DACH1: variants seen among roughly 807,000 people sequenced by gnomAD.
DACH1 encodes dachshund homolog 1.
DACH1 carries 12 observed loss-of-function variants against 54.2 expected under a neutral mutation model. The ratio of observed to expected loss-of-function variants is 0.22; its 90% CI spans 0.14 to 0.36. The LOEUF is 0.36. Among genes scored for constraint, DACH1 ranks in the 10% least tolerant of loss-of-function variants. DACH1 has a pLI of 1.00. For missense variants in DACH1, 805 were observed against 929.8 expected (o/e 0.87, Z 1.75); for synonymous variants, 386 against 366.2 (o/e 1.05, Z -0.62).
chr13:71,820,338 A>C (rs977779951), intron 1 of DACH1, among the ~76,000 whole-genome samples: 2 of 152,118 alleles, frequency 1.3e-5, no homozygotes, highest in Admixed American at 6.5e-5. Flanking sequence ...GGTCTTCTGC[A>C]TCCAAAGACA....
At chr13:71,740,543 A>G (rs1187437512) in intron 1 of DACH1, among the ~76,000 whole-genome samples, 1 of 152,172 alleles carries the variant, frequency 6.6e-6, no homozygotes, top group East Asian at 1.9e-4. Flanking sequence ...TGATTTATTT[A>G]TATTTCAAGT....
chr13:71,649,185 G>A (rs1206572545), intron 2 of DACH1, among the ~76,000 whole-genome samples: 1 of 152,012 alleles, frequency 6.6e-6, no homozygotes, highest in Non-Finnish European at 1.5e-5. Flanking sequence ...TGCTGTATAG[G>A]TTTGTAACCT....
chr13:71,651,605 G>A (rs1193490834), intron 2 of DACH1, among the ~76,000 whole-genome samples: 1 of 151,996 alleles, frequency 6.6e-6, no homozygotes, highest in Non-Finnish European at 1.5e-5. Flanking sequence ...AGGCTGCAGT[G>A]AGCTGTGATA....
At chr13:71,557,852 A>AG (rs1195571887) in intron 5 of DACH1, among the ~76,000 whole-genome samples, 4 of 151,730 alleles carry the variant, frequency 2.6e-5, no homozygotes, top group African/African-American at 9.7e-5. Flanking sequence ...TAAAAAAAAA[A>AG]AAAAAAAAAG....
At chr13:71,728,299 T>C (rs1457977773) in intron 1 of DACH1, among the ~76,000 whole-genome samples, 1 of 152,024 alleles carries the variant, frequency 6.6e-6, no homozygotes, top group African/African-American at 2.4e-5. Context: ...ATCATATCTC[T>C]TTGGAAACAC....
intron 3 of DACH1, among the ~76,000 whole-genome samples, chr13:71,597,984 G>A (rs1007196403): frequency 6.6e-5 from 10 of 151,598 alleles, no homozygotes; most frequent in African/African-American, 2.4e-4. Flanking sequence ...GGAGGCTGAG[G>A]TGGGAGGATT....
intron 6 of DACH1, among the ~76,000 whole-genome samples, chr13:71,498,641 T>C (rs1354866746): frequency 4.2e-5 from 5 of 118,848 alleles, no homozygotes; most frequent in Non-Finnish European, 7.0e-5. Context: ...ATGATGTGAG[T>C]TGAAAGGGGA....
chr13:71,866,981 T>G lies in DACH1; in HGVS notation c.-212A>C. 9.9e-6 allele frequency: 3 copies of G among 303,550 alleles called. No homozygotes were observed. 18.8% of individuals were successfully genotyped at this position (303,550 alleles called of 1,614,324 possible). On this transcript the variant is annotated 5_prime_UTR_variant, in exon 1 of 11. Coordinates refer to ENST00000613252, the MANE Select transcript of DACH1 (RefSeq NM_080759.6). ...CAAGAGGGGCGAGCACGAGAGGCGC[T>G]CTGGAGAGGAACGCACAAAAGTGTC...
intron 4 of DACH1, among the ~76,000 whole-genome samples, chr13:71,567,070 G>A (rs1884934440): frequency 6.6e-6 from 1 of 151,984 alleles, no homozygotes; most frequent in Non-Finnish European, 1.5e-5. Context: ...TAAAGTATGA[G>A]TACAATTATA....
At chr13:71,706,778 T>A (rs1359219615) in intron 1 of DACH1, among the ~76,000 whole-genome samples, 1 of 152,170 alleles carries the variant, frequency 6.6e-6, no homozygotes, top group African/African-American at 2.4e-5. Flanking sequence ...GCATTAATTC[T>A]CATATTAAAG....
intron 6 of DACH1, among the ~76,000 whole-genome samples, chr13:71,507,737 T>C (rs186273925): frequency 6.6e-6 from 1 of 152,268 alleles, no homozygotes; most frequent in Admixed American, 6.5e-5. Flanking sequence ...GACACAATTC[T>C]TACAGCATGG....
intron 1 of DACH1, among the ~76,000 whole-genome samples, chr13:71,738,026 T>G (rs1884215263): frequency 6.6e-6 from 1 of 152,302 alleles, no homozygotes; most frequent in East Asian, 1.9e-4. Flanking sequence ...GGACAAATAC[T>G]AGTAGTTCCG....
chr13:71,730,932 G>T (rs1883712688), intron 1 of DACH1, among the ~76,000 whole-genome samples: 1 of 151,446 alleles, frequency 6.6e-6, no homozygotes, highest in South Asian at 2.1e-4. Context: ...AGACTCTTAA[G>T]GCATTCAAAG....
chr13:71,592,663 C>G (rs964682625), intron 3 of DACH1, among the ~76,000 whole-genome samples: 1 of 151,808 alleles, frequency 6.6e-6, no homozygotes, highest in Non-Finnish European at 1.5e-5. Context: ...CGAAAAATAG[C>G]TAATACAGTA....
chr13:71,458,335 C>T (rs553763834), intron 10 of DACH1, among the ~76,000 whole-genome samples: 1 of 151,802 alleles, frequency 6.6e-6, no homozygotes, highest in Non-Finnish European at 1.5e-5. Flanking sequence ...TATGGCTTCT[C>T]AAAAGATCTA....
chr13:71,474,362 T>C (rs965601797), intron 10 of DACH1, among the ~76,000 whole-genome samples: 5 of 152,164 alleles, frequency 3.3e-5, no homozygotes, highest in East Asian at 1.9e-4. Flanking sequence ...GGGAGGATTA[T>C]GGCAGTTAAT....
At chr13:71,695,732 C>G (rs1347905499) in intron 1 of DACH1, among the ~76,000 whole-genome samples, 1 of 152,136 alleles carries the variant, frequency 6.6e-6, no homozygotes, top group South Asian at 2.1e-4. Flanking sequence ...TATTGCAAGT[C>G]CTTTGAGATA....
rs1244161611 is a variant in DACH1, at chr13:71,681,879, G to T, written c.880C>A (p.Gln294Lys). The change falls in exon 2 of 11, where the codon CAA becomes AAA. Residue 294 changes from glutamine to lysine, a missense_variant. Physicochemically the swap from Gln to Lys is moderately conservative, Grantham distance 53. Around this residue, in one of 3 missense-constraint regions of DACH1, gnomAD observed 472 missense variants for 545.3 expected, o/e 0.87. Transcript: ENST00000613252. ...SRPGRPPKRT[Q>K]SVTSPENSHI... is the part of the protein sequence containing the mutation. Reference sequence around the variant, plus strand: ...GAGTTCTCTGGGGAGGTGACACTTTGAGTCCTCTTAGGAGGCCTTCCAGGT... The same window carrying T: ...GAGTTCTCTGGGGAGGTGACACTTTTAGTCCTCTTAGGAGGCCTTCCAGGT... 1 of 1,613,710 alleles carries T rather than the reference G, an allele frequency of 6.2e-7. No individual in the cohort carries two copies. The highest frequency in any genetic ancestry group is 2.2e-5 in the East Asian group (1 of 44,844).
At chr13:71,835,492 G>C (rs187012814) in intron 1 of DACH1, among the ~76,000 whole-genome samples, 217 of 152,038 alleles carry the variant, frequency 1.4e-3, no homozygotes, top group Non-Finnish European at 2.7e-3. Context: ...ATTTTGTCTT[G>C]TCTCCTAAAA....
Sources: gnomAD v4.1 joint callset for allele counts (sites outside exome capture counted in the v4.1 genomes callset) on GRCh38, gnomAD v4.1.1 for gene constraint, gnomAD v4.1.1 regional missense constraint, MANE v1.5 for transcripts, NCBI Gene and HGNC (gene_info 2026-07-23, HGNC 2026-07-21) for gene names.